Variants in SMARCA2 observed in about 807,000 individuals in gnomAD.
SMARCA2 encodes the protein SWI/SNF-related matrix-associated actin-dependent regulator of chromatin subfamily A member 2.
A neutral mutation model predicts 199.8 loss-of-function variants in SMARCA2; 61 were observed. That is an observed-to-expected ratio of 0.31 (90% CI 0.25 to 0.38). SMARCA2 has a LOEUF of 0.38. Ranked by LOEUF, SMARCA2 falls within the 10% of genes least tolerant of loss-of-function variation. The pLI, the probability that SMARCA2 is intolerant of heterozygous loss-of-function variation, is 1.00. For missense variants in SMARCA2, 1,344 were observed against 2,012.2 expected (o/e 0.67, Z 6.35); for synonymous variants, 935 against 732.0 (o/e 1.28, Z -4.48).
intron 14 of SMARCA2, chr9:2,080,019 TC>T (rs1164742276): frequency 6.6e-6 from 1 of 152,242 alleles, no homozygotes; most frequent in Admixed American, 6.5e-5. Flanking sequence ...AGTGCCTTCT[TC>T]CTGGAATCTT....
At position 2,033,051 on chromosome 9, in the gene SMARCA2, C is replaced by T. The variant is rs374114848; in HGVS notation, c.325C>T (p.Pro109Ser). 1.9e-6 allele frequency: 3 copies of T among 1,614,140 alleles called. No homozygotes were observed. The East Asian group carries it at 6.7e-5, about 36-fold the overall frequency. Reference protein sequence around the residue: ...MRPPHPGMGPPQSPMDQHSQG... With the variant: ...MRPPHPGMGPSQSPMDQHSQG... ...ACCACCTCACCCAGGCATGGGCCCTCCCCAGAGTCCAATGGATCAACACAG... is the reference window on the plus strand; with the variant it reads ...ACCACCTCACCCAGGCATGGGCCCTTCCCAGAGTCCAATGGATCAACACAG... The change falls in exon 3 of 34, where the codon CCC becomes TCC. Residue 109 changes from proline to serine, a missense_variant. Transcript: ENST00000349721.
In SMARCA2 at chr9:2,039,190, G is replaced by A. The variant is rs1315564854; in HGVS notation, c.356-276G>A. 6.6e-6 allele frequency among the ~76,000 whole-genome samples: 1 copy of A among 150,792 alleles called. No homozygotes were observed. Among genetic ancestry groups the A allele is most frequent in the African/African-American group, 2.4e-5 (1 of 41,076 alleles). ...TTTACATTTTAAAATGATGTTTTGG[G>A]TATGTTGGTTTAAGTAAAATACATT... is the stretch of plus-strand genomic sequence containing the variant. On this transcript the variant is annotated intron_variant, in intron 3 of 33. Transcript: ENST00000349721. This position sits in a 1 kb window ranked among gnomAD's most constrained non-coding sequence, Gnocchi z 4.8.
intron 1 of SMARCA2, among the ~76,000 whole-genome samples, chr9:2,019,393 A>C (rs1213195425): frequency 6.6e-6 from 1 of 151,996 alleles, no homozygotes; most frequent in African/African-American, 2.4e-5. Flanking sequence ...TGTTCAAAGC[A>C]GCCTTAGATC....
chr9:2,119,402 G>A lies in SMARCA2; in HGVS notation c.3685-56G>A. ...GGTCTGGAGGACAGATCACTTACTT[G>A]TTTGTACCTTGCCCCAGCTGTCCAC... On this transcript the variant is annotated intron_variant, in intron 25 of 33. Coordinates refer to ENST00000349721, the MANE Select transcript of SMARCA2 (RefSeq NM_003070.5). This position sits in a 1 kb window ranked among gnomAD's most constrained non-coding sequence, Gnocchi z 4.6. The A allele has an allele frequency of 8.5e-7, 1 of 1,182,192 alleles. No individual in the cohort carries two copies. The highest frequency in any genetic ancestry group is 1.5e-5 in the African/African-American group (1 of 66,604). 73.2% of individuals were successfully genotyped at this position (1,182,192 alleles called of 1,614,324 possible).
chr9:2,191,524 AGGAT>A, intron 33 of SMARCA2, 116 bp downstream of exon 33: 3 of 1,125,080 alleles, frequency 2.7e-6, no homozygotes, highest in Non-Finnish European at 3.9e-6. Flanking sequence ...TGGAAATGTC[AGGAT>A]TTAGTGAGAT....
At chr9:2,177,194 C>T (rs968721203) in intron 29 of SMARCA2, among the ~76,000 whole-genome samples, 1 of 152,202 alleles carries the variant, frequency 6.6e-6, no homozygotes. Flanking sequence ...ACCTACTGCC[C>T]TGCAGTGTTG....
intron 24 of SMARCA2, among the ~76,000 whole-genome samples, chr9:2,113,873 C>T (rs931775133): frequency 2.0e-5 from 3 of 152,158 alleles, no homozygotes; most frequent in Admixed American, 2.0e-4. Context: ...GTCTGACCTG[C>T]CCCTTGTTTT....
chr9:2,082,825 T>C (rs1821627372), intron 15 of SMARCA2, among the ~76,000 whole-genome samples: 1 of 152,246 alleles, frequency 6.6e-6, no homozygotes, highest in Non-Finnish European at 1.5e-5. Flanking sequence ...TCTGTATCTG[T>C]AATATTTAGG....
chr9:2,054,842 A>G (rs1306332172), intron 6 of SMARCA2, 119 bp downstream of exon 6: 22 of 989,694 alleles, frequency 2.2e-5, no homozygotes, highest in African/African-American at 1.5e-4. Flanking sequence ...AGATATAAAT[A>G]TAGTAAAATA....
Position 2,123,625 on chromosome 9 carries a change from C to T in SMARCA2, c.3763-94C>T. ...GAGAGGTTGAAAGGGACCCTGCAGCCATAGGAAGTGACTTGGGGAAGTTGT... is the reference window on the plus strand; with the variant it reads ...GAGAGGTTGAAAGGGACCCTGCAGCTATAGGAAGTGACTTGGGGAAGTTGT... On this transcript the variant is annotated intron_variant, in intron 26 of 33. Coordinates refer to ENST00000349721, the MANE Select transcript of SMARCA2 (RefSeq NM_003070.5). The surrounding 1 kb of genome is among the most constrained non-coding windows in gnomAD (Gnocchi z 4.1). 1 of 1,066,274 alleles carries T rather than the reference C, an allele frequency of 9.4e-7. No homozygotes were observed. The highest frequency in any genetic ancestry group is 1.4e-6 in the Non-Finnish European group (1 of 700,602). 66.1% of individuals were successfully genotyped at this position (1,066,274 alleles called of 1,614,324 possible).
rs113415895 is a variant in SMARCA2 at position 2,159,622 on chromosome 9, GA to G, written c.3982-2057del. 4.2e-4 allele frequency: 245 copies of G among 577,354 alleles called. 2 individuals carry two copies. Among genetic ancestry groups the G allele is most frequent in the African/African-American group, 2.5e-3 (136 of 53,970 alleles). The allele number at this position is 577,354 out of a possible 1,614,324, so 35.8% of individuals were successfully genotyped here. On this transcript the variant is annotated intron_variant, in intron 27 of 33. Transcript: ENST00000349721. ...ATTCTGCTGCCTGGAATAATAAGGG[GA>G]AAAAAATATGATAAGTAGTTGTCAA...
At position 2,039,997 on chromosome 9, in the gene SMARCA2, A is replaced by ACGTAGCCTTT; in HGVS notation, c.790+98_790+107dup. 6.4e-7 allele frequency: 1 copy of ACGTAGCCTTT among 1,550,836 alleles called. No homozygotes were observed. The highest frequency in any genetic ancestry group is 1.4e-5 in the African/African-American group (1 of 73,868). On this transcript the variant is annotated intron_variant, in intron 4 of 33. Coordinates refer to ENST00000349721, the MANE Select transcript of SMARCA2 (RefSeq NM_003070.5). The surrounding 1 kb of genome is among the most constrained non-coding windows in gnomAD (Gnocchi z 4.8). ...CCGGGTTGTTAAAAGCCCGGGGCTGACGTAGCCTTTTGTTATACCTCACTG... is the reference window on the plus strand; with the variant it reads ...CCGGGTTGTTAAAAGCCCGGGGCTGACGTAGCCTTTCGTAGCCTTTTGTTATACCTCACTG...
At chr9:2,084,285 C>T in intron 17 of SMARCA2, 89 bp downstream of exon 17, 1 of 653,918 alleles carries the variant, frequency 1.5e-6, no homozygotes, top group Non-Finnish European at 2.6e-6. Context: ...TAATTGGATC[C>T]TTAGATGGCT....
intron 5 of SMARCA2, among the ~76,000 whole-genome samples, chr9:2,052,507 A>G (rs907365677): frequency 6.6e-6 from 1 of 152,216 alleles, no homozygotes; most frequent in African/African-American, 2.4e-5. Flanking sequence ...TAACGACAGC[A>G]CGGTAGCAGT....
Position 2,182,252 on chromosome 9 carries a change from G to C in SMARCA2, c.4461+10G>C, listed in dbSNP as rs1827087820. 1.9e-6 allele frequency: 3 copies of C among 1,566,818 alleles called. No homozygotes were observed. The highest frequency in any genetic ancestry group is 2.6e-6 in the Non-Finnish European group (3 of 1,141,958). On this transcript the variant is annotated intron_variant, in intron 31 of 33. Coordinates refer to ENST00000349721, the MANE Select transcript of SMARCA2 (RefSeq NM_003070.5). ...CCTGGAGGGATCCCAGGTCTGTCTT[G>C]TTAAGTTGTCTAAAAGTTCTTAACT...
At chr9:2,030,280 T>C (rs1317920141) in intron 2 of SMARCA2, among the ~76,000 whole-genome samples, 1 of 152,194 alleles carries the variant, frequency 6.6e-6, no homozygotes, top group African/African-American at 2.4e-5. Flanking sequence ...GTCACCAATC[T>C]GGATACCCAG....
In SMARCA2 at chr9:2,073,162, G is replaced by C. The variant is rs3737268; in HGVS notation, c.1747-50G>C. The C allele has an allele frequency of 0.12, 185,957 of 1,608,032 alleles. 11,232 individuals are homozygous for C. Among genetic ancestry groups the C allele is most frequent in the Admixed American group, 0.15 (8,950 of 59,460 alleles). Reference sequence around the variant, plus strand: ...GCTGAGAAACGTCCAGTACAGGACTGGGGGAAGGTCTTAACATGAAACCGT... The same window carrying C: ...GCTGAGAAACGTCCAGTACAGGACTCGGGGAAGGTCTTAACATGAAACCGT... On this transcript the variant is annotated intron_variant, in intron 10 of 33. Coordinates refer to ENST00000349721, the MANE Select transcript of SMARCA2 (RefSeq NM_003070.5).
chr9:2,163,684 T>C (rs963197979), intron 28 of SMARCA2, among the ~76,000 whole-genome samples: 6 of 152,186 alleles, frequency 3.9e-5, no homozygotes, highest in South Asian at 2.1e-4. Flanking sequence ...TCTGACCAGA[T>C]GGGCTGTGAT....
rs1243609340 is a variant in SMARCA2 at position 2,121,171 on chromosome 9, G to A, written c.3762+1636G>A. Among the ~76,000 whole-genome samples the A allele has an allele frequency of 4.6e-5, 7 of 152,212 alleles. No individual in the cohort carries two copies. In the East Asian group the frequency reaches 1.2e-3, roughly 25 times the overall value. On this transcript the variant is annotated intron_variant, in intron 26 of 33. Transcript: ENST00000349721. ...AATTCTTTCAGCAGCCCTGAAGTAA[G>A]GGGGTGAGTGTACTTTCCTGCCTTA... is the stretch of plus-strand genomic sequence containing the variant.
Sources: gnomAD v4.1 joint callset for allele counts (sites outside exome capture counted in the v4.1 genomes callset) on GRCh38, gnomAD v4.1.1 for gene constraint, Gnocchi (gnomAD v3.1) non-coding constraint, MANE v1.5 for transcripts, NCBI Gene and HGNC (gene_info 2026-07-23, HGNC 2026-07-21) for gene names.